Variants in NXPE2 observed in about 807,000 individuals in gnomAD.
NXPE2 encodes neurexophilin and PC-esterase domain family member 2.
In NXPE2, 34 loss-of-function variants were observed where a neutral mutation model predicts 34.4. That is an observed-to-expected ratio of 0.99 (90% CI 0.75 to 1.31). NXPE2 has a LOEUF of 1.31. Ranked by LOEUF, NXPE2 falls within the 40% of genes most tolerant of loss-of-function variation. The probability of loss-of-function intolerance (pLI) is 0.00; values close to 1 mark genes in which losing one functional copy is unlikely to be tolerated. For missense variants in NXPE2, 649 were observed against 672.5 expected, an observed-to-expected ratio of 0.97 and a Z score of 0.39; for synonymous variants, 235 against 231.3, an observed-to-expected ratio of 1.02 and a Z score of -0.15.
At chr11:114,696,348 A>C (rs1381785270) in intron 2 of NXPE2, among the ~76,000 whole-genome samples, 4 of 148,216 alleles carry the variant, frequency 2.7e-5, no homozygotes, top group African/African-American at 9.7e-5. Context: ...ACCAAAAAAA[A>C]AAAAAAAAAA....
At chr11:114,785,609 A>T in the NXPE2 span, among the ~76,000 whole-genome samples, 1 of 152,130 alleles carries the variant, frequency 6.6e-6, no homozygotes, top group Non-Finnish European at 1.5e-5. Flanking sequence ...AAGGCCAAAA[A>T]GTGATCCAAT....
the NXPE2 span, chr11:114,584,387 C>CT: frequency 2.5e-3 from 823 of 331,278 alleles, 7 homozygotes; most frequent in African/African-American, 0.017. Flanking sequence ...CATCCACCTG[C>CT]AGTCCAAATG....
At chr11:114,553,037 T>C in the NXPE2 span, among the ~76,000 whole-genome samples, 1 of 152,206 alleles carries the variant, frequency 6.6e-6, no homozygotes, top group East Asian at 1.9e-4. Context: ...GAAATTCTTA[T>C]TACCTCCTCC....
chr11:114,766,792 T>C, the NXPE2 span, among the ~76,000 whole-genome samples: 2 of 152,146 alleles, frequency 1.3e-5, no homozygotes, highest in Non-Finnish European at 2.9e-5. Flanking sequence ...TTAATATATG[T>C]TATTCTTTTC....
chr11:114,594,438 C>A, the NXPE2 span, among the ~76,000 whole-genome samples: 12 of 152,226 alleles, frequency 7.9e-5, no homozygotes, highest in East Asian at 1.4e-3. Flanking sequence ...AAGATAGGTG[C>A]AATGCATTTA....
chr11:114,637,477 T>C, the NXPE2 span, among the ~76,000 whole-genome samples: 12 of 151,794 alleles, frequency 7.9e-5, no homozygotes, highest in East Asian at 1.4e-3. Context: ...AAAGTTAATA[T>C]TGTTATGTGT....
At chr11:114,628,997 C>A in the NXPE2 span, among the ~76,000 whole-genome samples, 4 of 151,996 alleles carry the variant, frequency 2.6e-5, no homozygotes, top group South Asian at 4.2e-4. Context: ...CTGAATAGAC[C>A]AATAACAGGC....
chr11:114,648,738 C>T, the NXPE2 span, among the ~76,000 whole-genome samples: 1 of 152,112 alleles, frequency 6.6e-6, no homozygotes, highest in Non-Finnish European at 1.5e-5. Flanking sequence ...ATCCCGCATA[C>T]AACTAAAAAC....
At chr11:114,511,165 AT>A in the NXPE2 span, among the ~76,000 whole-genome samples, 70 of 152,272 alleles carry the variant, frequency 4.6e-4, 1 homozygote, top group Non-Finnish European at 7.6e-4. Context: ...ACTGGAAAAA[AT>A]ATATGAATTT....
chr11:114,625,738 G>T, the NXPE2 span, among the ~76,000 whole-genome samples: 1 of 152,146 alleles, frequency 6.6e-6, no homozygotes. Context: ...GAAGGCAGGT[G>T]ATTTCTGCAT....
intron 5 of NXPE2, 37 bp downstream of exon 5, chr11:114,706,033 C>A: frequency 1.1e-6 from 1 of 948,750 alleles, no homozygotes; most frequent in Non-Finnish European, 1.4e-6. Flanking sequence ...TTCTATTTGA[C>A]TTTTGAGGGT....
chr11:114,566,554 A>T, the NXPE2 span, among the ~76,000 whole-genome samples: 1 of 152,212 alleles, frequency 6.6e-6, no homozygotes, highest in East Asian at 1.9e-4. Context: ...GGAGCGATTT[A>T]GAACATAAAC....
chr11:114,639,889 ATATAT>A, the NXPE2 span, among the ~76,000 whole-genome samples: 6 of 112,392 alleles, frequency 5.3e-5, no homozygotes, highest in African/African-American at 1.1e-4. Context: ...AAAATATGTT[ATATAT>A]TATATTAAAT....
the NXPE2 span, among the ~76,000 whole-genome samples, chr11:114,672,014 A>G: frequency 6.6e-6 from 1 of 152,030 alleles, no homozygotes; most frequent in Non-Finnish European, 1.5e-5. Context: ...GTGAAGGCAA[A>G]AGGGAAGCAA....
At chr11:114,500,127 G>A in the NXPE2 span, among the ~76,000 whole-genome samples, 3 of 151,840 alleles carry the variant, frequency 2.0e-5, no homozygotes, top group Admixed American at 6.6e-5. Flanking sequence ...TTTTTTGGGG[G>A]TGCATATTTA....
chr11:114,647,793 CT>C, the NXPE2 span, among the ~76,000 whole-genome samples: 1 of 152,034 alleles, frequency 6.6e-6, no homozygotes, highest in Non-Finnish European at 1.5e-5. Context: ...CCTCTTCCCC[CT>C]GGGTTTAAGC....
chr11:114,678,433 G>A, upstream of NXPE2: 1 of 624,298 alleles, frequency 1.6e-6, no homozygotes, highest in South Asian at 2.0e-5. Flanking sequence ...TATGATTCCA[G>A]CTGGCACGCT....
the NXPE2 span, among the ~76,000 whole-genome samples, chr11:114,778,489 G>C: frequency 6.6e-6 from 1 of 152,200 alleles, no homozygotes; most frequent in Admixed American, 6.5e-5. Context: ...AAAATGAAAA[G>C]ACCAGTGAGG....
chr11:114,521,866 T>C, the NXPE2 span: 3 of 920,108 alleles, frequency 3.3e-6, no homozygotes, highest in African/African-American at 3.3e-5. Flanking sequence ...TTCTTTTAAA[T>C]TTATTTTCCT....
Sources: gnomAD v4.1 joint callset for allele counts (sites outside exome capture counted in the v4.1 genomes callset) on GRCh38, gnomAD v4.1.1 for gene constraint, MANE v1.5 for transcripts, NCBI Gene and HGNC (gene_info 2026-07-23, HGNC 2026-07-21) for gene names.